Variants in USP32 observed in about 807,000 individuals in gnomAD.
The protein encoded by USP32 is ubiquitin carboxyl-terminal hydrolase 32.
A neutral mutation model predicts 204.8 loss-of-function variants in USP32; 59 were observed. The ratio of observed to expected loss-of-function variants is 0.29; its 90% confidence interval spans 0.23 to 0.36. The LOEUF (loss-of-function observed/expected upper bound fraction) is 0.36. USP32 is among the 10% of genes least tolerant of loss of function. The pLI is 1.00. For missense variants in USP32, 1,160 were observed against 1,946.4 expected, an observed-to-expected ratio of 0.60 and a Z score of 7.60; for synonymous variants, 517 against 678.4, an observed-to-expected ratio of 0.76 and a Z score of 3.70.
chr17:60,300,961 C>T (rs543313911), intron 3 of USP32, among the ~76,000 whole-genome samples: 14 of 152,198 alleles, frequency 9.2e-5, no homozygotes, highest in Admixed American at 3.3e-4. Context: ...CCTATTGGGA[C>T]TGACATCTAT....
At chr17:60,326,347 G>A (rs375903329) in intron 2 of USP32, among the ~76,000 whole-genome samples, 20 of 150,578 alleles carry the variant, frequency 1.3e-4, no homozygotes, top group African/African-American at 3.4e-4. Flanking sequence ...TTTCGCTCTC[G>A]TCGCCCCGGC....
intron 2 of USP32, among the ~76,000 whole-genome samples, chr17:60,342,405 T>A (rs1027509981): frequency 6.6e-6 from 1 of 152,204 alleles, no homozygotes. Flanking sequence ...GAGGAGACAG[T>A]CTGTCCGTTC....
At chr17:60,182,594 C>A (rs1329104550) in intron 31 of USP32, among the ~76,000 whole-genome samples, 2 of 152,042 alleles carry the variant, frequency 1.3e-5, no homozygotes, top group Non-Finnish European at 2.9e-5. Context: ...AAAGCACCAT[C>A]TCTACAAAAA....
upstream of USP32, among the ~76,000 whole-genome samples, chr17:60,395,856 T>C (rs1598315812): frequency 1.3e-5 from 2 of 152,266 alleles, no homozygotes; most frequent in East Asian, 3.9e-4. Context: ...TTTTAGTACT[T>C]GCCAAAGAAC....
intron 1 of USP32, among the ~76,000 whole-genome samples, chr17:60,374,076 T>C (rs902022360): frequency 2.0e-5 from 3 of 151,698 alleles, no homozygotes; most frequent in East Asian, 3.9e-4. Context: ...CCCAGCTATT[T>C]GGGAGGCTGA....
At chr17:60,344,451 T>C (rs1455556699) in intron 2 of USP32, among the ~76,000 whole-genome samples, 1 of 151,980 alleles carries the variant, frequency 6.6e-6, no homozygotes, top group African/African-American at 2.4e-5. Context: ...TCTTATAAAA[T>C]TTATTCTTTT....
intron 1 of USP32, 121 bp from the exon 2 acceptor site, chr17:60,345,729 C>T: frequency 7.6e-7 from 1 of 1,307,352 alleles, no homozygotes; most frequent in Non-Finnish European, 1.1e-6. Flanking sequence ...CGCCTATAAT[C>T]CCAGTACTTT....
intron 2 of USP32, among the ~76,000 whole-genome samples, chr17:60,313,765 C>G (rs538348271): frequency 6.6e-6 from 1 of 152,146 alleles, no homozygotes; most frequent in African/African-American, 2.4e-5. Flanking sequence ...AAAGCTTTAA[C>G]ACAGGATTAA....
chr17:60,279,646 G>C (rs939883264), intron 5 of USP32, among the ~76,000 whole-genome samples: 2 of 151,740 alleles, frequency 1.3e-5, no homozygotes, highest in African/African-American at 4.8e-5. Flanking sequence ...AGGCCAGCCC[G>C]GGCAACATGG....
At chr17:60,278,363 A>G (rs1281060083) in intron 5 of USP32, among the ~76,000 whole-genome samples, 3 of 152,146 alleles carry the variant, frequency 2.0e-5, no homozygotes, top group Non-Finnish European at 4.4e-5. Flanking sequence ...TCTAGTGTGG[A>G]AAGTACAATG....
intron 12 of USP32, among the ~76,000 whole-genome samples, chr17:60,234,039 T>C (rs2085644368): frequency 6.6e-6 from 1 of 152,088 alleles, no homozygotes; most frequent in Non-Finnish European, 1.5e-5. Flanking sequence ...AGTCTTGACC[T>C]ATCAGGCTCA....
chr17:60,392,169 A>T (rs1444433046), upstream of USP32: 2 of 428,652 alleles, frequency 4.7e-6, no homozygotes, highest in Non-Finnish European at 4.1e-6. Context: ...CCTGCCTCCT[A>T]CTCCGCCCTT....
intron 2 of USP32, among the ~76,000 whole-genome samples, chr17:60,321,448 A>G (rs533653976): frequency 1.3e-5 from 2 of 152,208 alleles, no homozygotes; most frequent in Non-Finnish European, 2.9e-5. Flanking sequence ...CTCATAACAC[A>G]ATATTCCAAA....
rs112413567 is a variant in USP32 at position 60,213,945 on chromosome 17, G to T, written c.2023-283C>A. Among the ~76,000 whole-genome samples, 287 of 139,632 alleles carry T rather than the reference G, an allele frequency of 2.1e-3. 2 individuals carry two copies. Among genetic ancestry groups the T allele is most frequent in the African/African-American group, 5.0e-3 (193 of 38,664 alleles). The allele number at this position is 139,632 out of a possible 152,430, so 91.6% of individuals were successfully genotyped here. On this transcript the variant is annotated intron_variant, in intron 17 of 33. Coordinates refer to ENST00000300896, the MANE Select transcript of USP32 (RefSeq NM_032582.4). ...GTTACATGAATACGTTTTGTTTTTT[G>T]TTTTTTTTTTTTTTAAAGATGGAGT...
intron 26 of USP32, among the ~76,000 whole-genome samples, chr17:60,204,767 C>T (rs1297393300): frequency 6.6e-6 from 1 of 151,680 alleles, no homozygotes; most frequent in Non-Finnish European, 1.5e-5. Flanking sequence ...CCGCACCTGG[C>T]CATTTTCTTT....
chr17:60,378,266 G>A (rs2089586055), intron 1 of USP32, among the ~76,000 whole-genome samples: 1 of 142,958 alleles, frequency 7.0e-6, no homozygotes. Flanking sequence ...CATTAGGATG[G>A]TTATTAATTG....
intron 1 of USP32, among the ~76,000 whole-genome samples, chr17:60,379,351 G>C (rs113668247): frequency 6.6e-6 from 1 of 152,114 alleles, no homozygotes; most frequent in Non-Finnish European, 1.5e-5. Flanking sequence ...AAATCCACCT[G>C]TAGTATTTTG....
chr17:60,236,729 A>G (rs2085736832), intron 11 of USP32, among the ~76,000 whole-genome samples: 1 of 152,244 alleles, frequency 6.6e-6, no homozygotes, highest in Non-Finnish European at 1.5e-5. Context: ...AGACTGCTGT[A>G]GCCATTTTTG....
At chr17:60,303,742 A>T (rs2087647333) in intron 2 of USP32, among the ~76,000 whole-genome samples, 1 of 152,136 alleles carries the variant, frequency 6.6e-6, no homozygotes, top group South Asian at 2.1e-4. Flanking sequence ...AGAAGGAAAA[A>T]CCCAATATAT....
Sources: gnomAD v4.1 joint callset for allele counts (sites outside exome capture counted in the v4.1 genomes callset) on GRCh38, gnomAD v4.1.1 for gene constraint, MANE v1.5 for transcripts, NCBI Gene and HGNC (gene_info 2026-07-23, HGNC 2026-07-21) for gene names.